The following AR variants were observed in gnomAD, a reference collection of about 807,000 sequenced individuals.
The protein encoded by AR is dihydrotestosterone receptor.
In AR, 8 loss-of-function variants were observed where a neutral mutation model predicts 53.9. That is an observed-to-expected ratio of 0.15 (90% CI 0.09 to 0.27). The LOEUF (loss-of-function observed/expected upper bound fraction) is 0.27. AR is among the 10% of genes least tolerant of loss of function. The pLI is 1.00. For missense variants in AR, 639 were observed against 742.5 expected, an observed-to-expected ratio of 0.86 and a Z score of 1.62; for synonymous variants, 359 against 316.4, an observed-to-expected ratio of 1.13 and a Z score of -1.43.
At chrX:67,563,069 G>T (rs1921405423) in intron 1 of AR, among the ~76,000 whole-genome samples, 1 of 111,781 alleles carries the variant, frequency 8.9e-6, no homozygotes. Context: ...GCAAAGGTTT[G>T]AACTCATAGT....
intron 3 of AR, among the ~76,000 whole-genome samples, chrX:67,698,351 G>T (rs1437751259): frequency 8.9e-6 from 1 of 112,445 alleles, no homozygotes; most frequent in Non-Finnish European, 1.9e-5. Flanking sequence ...GGCTTCCCCA[G>T]AGCCAGAATT....
Position 67,723,312 on chromosome X carries a change from CTGTG to C in AR, c.2608-336_2608-333del, listed in dbSNP as rs796606484. 3.9e-3 allele frequency among the ~76,000 whole-genome samples: 301 copies of C among 77,994 alleles called. 4 individuals are homozygous for C. Among genetic ancestry groups the C allele is most frequent in the African/African-American group, 0.012 (221 of 18,390 alleles). The allele number at this position is 77,994 out of a possible 115,157, so 67.7% of individuals were successfully genotyped here. A position where few individuals can be genotyped will look rare whatever the true frequency, so the allele number is the denominator to read the frequency against. ...GTCATGTTCATGTGAGTTTGTCTGT[CTGTG>C]TGTGTGTGTGTGTGTGTGTGTGTGT... On this transcript the variant is annotated intron_variant, in intron 7 of 7. Transcript: ENST00000374690.
chrX:67,545,936 C>T lies in AR; in HGVS notation c.790C>T (p.Arg264Trp). The part of the protein sequence containing the change: ...LEHLSPGEQL[R>W]GDCMYAPLLG... Reference sequence around the variant, plus strand: ...GCATCTGAGTCCAGGGGAACAGCTTCGGGGGGATTGCATGTACGCCCCACT... The same window carrying T: ...GCATCTGAGTCCAGGGGAACAGCTTTGGGGGGATTGCATGTACGCCCCACT... Residue 264 changes from arginine (R) to tryptophan (W), a missense_variant, in exon 1 of 8, where the codon CGG becomes TGG. Around this residue, in one of 5 missense-constraint regions of AR, gnomAD observed 423 missense variants for 377.0 expected, o/e 1.12. Transcript: ENST00000374690. The T allele has an allele frequency of 8.3e-7, 1 of 1,212,068 alleles. No homozygotes were observed. Among genetic ancestry groups the T allele is most frequent in the South Asian group, 1.8e-5 (1 of 57,001 alleles).
intron 2 of AR, among the ~76,000 whole-genome samples, chrX:67,644,713 A>G (rs950050840): frequency 9.0e-6 from 1 of 111,551 alleles, no homozygotes; most frequent in Non-Finnish European, 1.9e-5. Flanking sequence ...AGAAGCTGCC[A>G]TGTTGTTTTC....
At chrX:67,609,646 T>C (rs959921733) in intron 1 of AR, among the ~76,000 whole-genome samples, 3 of 111,458 alleles carry the variant, frequency 2.7e-5, no homozygotes, top group Non-Finnish European at 5.7e-5. Flanking sequence ...ATGGGATTTG[T>C]ATATTTGCAC....
chrX:67,667,510 GTTC>G (rs1927328214), intron 2 of AR, among the ~76,000 whole-genome samples: 1 of 111,219 alleles, frequency 9.0e-6, no homozygotes, highest in Non-Finnish European at 1.9e-5. Context: ...GTTTTGCTCT[GTTC>G]TTTTTCCTCA....
chrX:67,627,079 C>T (rs1483031016), intron 1 of AR, among the ~76,000 whole-genome samples: 5 of 108,966 alleles, frequency 4.6e-5, no homozygotes, highest in African/African-American at 1.0e-4. Flanking sequence ...TGAATAATGC[C>T]GCAATGAACA....
chrX:67,641,443 T>A (rs887399514), intron 1 of AR, among the ~76,000 whole-genome samples: 2 of 112,191 alleles, frequency 1.8e-5, no homozygotes, highest in African/African-American at 6.5e-5. Flanking sequence ...ATTTTCTATT[T>A]CTTCTCCATG....
chrX:67,600,290 C>T (rs1372943444), intron 1 of AR, among the ~76,000 whole-genome samples: 1 of 110,737 alleles, frequency 9.0e-6, no homozygotes, highest in African/African-American at 3.3e-5. Context: ...GTACTAAAAA[C>T]AGAGCTCCAT....
chrX:67,656,529 A>C (rs943339818), intron 2 of AR, among the ~76,000 whole-genome samples: 4 of 111,776 alleles, frequency 3.6e-5, no homozygotes, highest in African/African-American at 1.3e-4. Flanking sequence ...GATGATAATC[A>C]TAGAGCCTAA....
intron 1 of AR, among the ~76,000 whole-genome samples, chrX:67,624,697 G>T (rs1924535451): frequency 9.1e-6 from 1 of 109,375 alleles, no homozygotes; most frequent in African/African-American, 3.3e-5. Context: ...TTTATCTCTG[G>T]AATGTAAATT....
In AR at chrX:67,586,591, G is replaced by A. The variant is rs747885578; in HGVS notation, c.1616+39829G>A. 6.2e-5 allele frequency among the ~76,000 whole-genome samples: 7 copies of A among 112,482 alleles called. No homozygotes were observed. In the South Asian group the frequency reaches 2.2e-3, roughly 35 times the overall value. ...CAATCTGTAAATGTTTGAAGGTTGAGTGAATTAATGAATGACCTTCAACCT... is the reference window on the plus strand; with the variant it reads ...CAATCTGTAAATGTTTGAAGGTTGAATGAATTAATGAATGACCTTCAACCT... On this transcript the variant is annotated intron_variant, in intron 1 of 7. Coordinates refer to ENST00000374690, the MANE Select transcript of AR (RefSeq NM_000044.6).
chrX:67,545,909 G>A lies in AR; in HGVS notation c.763G>A (p.Glu255Lys), dbSNP rs2147318280. ...VSMGLGVEAL[E>K]HLSPGEQLRG... ...CATGGGCCTGGGTGTGGAGGCGTTG[G>A]AGCATCTGAGTCCAGGGGAACAGCT... Residue 255 changes from glutamate to lysine, a missense_variant, in exon 1 of 8, where the codon GAG (glutamate) becomes AAG (lysine). Glu to Lys is a moderately conservative substitution (Grantham distance 56). Transcript: ENST00000374690. The A allele has an allele frequency of 1.7e-6, 2 of 1,212,019 alleles. No individual in the cohort carries two copies. Among genetic ancestry groups the A allele is most frequent in the Non-Finnish European group, 1.1e-6 (1 of 895,505 alleles).
chrX:67,611,198 C>T (rs1304499107), intron 1 of AR, among the ~76,000 whole-genome samples: 1 of 111,709 alleles, frequency 9.0e-6, no homozygotes, highest in African/African-American at 3.2e-5. Context: ...GTAGATATTA[C>T]CTTTTCCCTG....
At chrX:67,640,803 C>A (rs1925718444) in intron 1 of AR, among the ~76,000 whole-genome samples, 1 of 111,362 alleles carries the variant, frequency 9.0e-6, no homozygotes, top group Non-Finnish European at 1.9e-5. Context: ...TCATTATCAT[C>A]ATCAGCATTA....
chrX:67,666,308 G>T (rs1235360030), intron 2 of AR, among the ~76,000 whole-genome samples: 1 of 111,445 alleles, frequency 9.0e-6, no homozygotes, highest in African/African-American at 3.3e-5. Context: ...GTGAGAAAAT[G>T]CCAAGTTTGT....
Position 67,606,762 on chromosome X carries a change from A to G in AR, c.1617-36494A>G, listed in dbSNP as rs141991688. 3.8e-3 allele frequency among the ~76,000 whole-genome samples: 425 copies of G among 112,318 alleles called. 1 individual carries two copies. Among genetic ancestry groups the G allele is most frequent in the African/African-American group, 0.013 (412 of 30,913 alleles). On this transcript the variant is annotated intron_variant, in intron 1 of 7. Coordinates refer to ENST00000374690, the MANE Select transcript of AR (RefSeq NM_000044.6). Reference sequence around the variant, plus strand: ...AGGATCATAAGCAGAGGTTTATCCCAGTAGGATTTGCATTTTAGAATGATG... The same window carrying G: ...AGGATCATAAGCAGAGGTTTATCCCGGTAGGATTTGCATTTTAGAATGATG...
In AR at chrX:67,545,006, A is replaced by C. The variant is rs1929632442; in HGVS notation, c.-141A>C. On this transcript the variant is annotated 5_prime_UTR_variant, in exon 1 of 8. Transcript: ENST00000374690. Reference sequence around the variant, plus strand: ...CGCTTTTTGCGTGGTTGCTCCCGCAAGTTTCCTTCTCTGGAGCTTCCCGCA... The same window carrying C: ...CGCTTTTTGCGTGGTTGCTCCCGCACGTTTCCTTCTCTGGAGCTTCCCGCA... The C allele has an allele frequency of 3.1e-6, 3 of 958,949 alleles. No homozygotes were observed. Among genetic ancestry groups the C allele is most frequent in the Non-Finnish European group, 4.1e-6 (3 of 724,079 alleles). The allele number at this position is 958,949 out of a possible 1,213,427, so 79.0% of individuals were successfully genotyped here. A position where few individuals can be genotyped will look rare whatever the true frequency, so the allele number is the denominator to read the frequency against.
intron 1 of AR, among the ~76,000 whole-genome samples, chrX:67,633,109 A>G (rs1717323711): frequency 8.9e-6 from 1 of 112,455 alleles, no homozygotes; most frequent in African/African-American, 3.2e-5. Flanking sequence ...CAAGTCTTTA[A>G]AAAATTACTA....
Sources: allele counts gnomAD v4.1 joint callset (sites outside exome capture counted in the v4.1 genomes callset), GRCh38; gene constraint gnomAD v4.1.1; regional missense constraint gnomAD v4.1.1; transcripts MANE v1.5; gene names NCBI Gene and HGNC (gene_info 2026-07-23, HGNC 2026-07-21).